RBM11: variants seen among roughly 807,000 people sequenced by gnomAD.
The protein encoded by RBM11 is splicing regulator RBM11.
RBM11 carries 18 observed loss-of-function variants against 21.4 expected under a neutral mutation model. The observed-to-expected ratio is 0.84, with a 90% CI of 0.58 to 1.25. The LOEUF (loss-of-function observed/expected upper bound fraction) is 1.25. Ranked by LOEUF, RBM11 falls within the 50% of genes most tolerant of loss-of-function variation. RBM11 has a pLI of 0.00. For synonymous variants in RBM11, 120 were observed against 116.3 expected (o/e 1.03, Z -0.20); for missense variants, 294 against 331.9 (o/e 0.89, Z 0.89).
intron 3 of RBM11, 115 bp downstream of exon 3, chr21:14,221,284 T>C (rs1224386436): frequency 8.4e-7 from 1 of 1,184,772 alleles, no homozygotes; most frequent in Admixed American, 3.7e-5. Context: ...TAGGATAAAA[T>C]TAAGGAATAT....
In RBM11 at chr21:14,227,437, CA is replaced by C; in HGVS notation, c.*146del. Reference sequence around the variant, plus strand: ...TAAGACTTATCTCTGGTTTGCTGTTCAATTTTTGCCTTGAACGACAAAAGCT... The same window carrying C: ...TAAGACTTATCTCTGGTTTGCTGTTCATTTTTGCCTTGAACGACAAAAGCT... On this transcript the variant is annotated 3_prime_UTR_variant, in exon 5 of 5. Coordinates refer to ENST00000400577, the MANE Select transcript of RBM11 (RefSeq NM_144770.5). 1 of 906,916 alleles carries C rather than the reference CA, an allele frequency of 1.1e-6. No homozygotes were observed. Among genetic ancestry groups the C allele is most frequent in the Non-Finnish European group, 1.6e-6 (1 of 633,736 alleles). The allele number at this position is 906,916 out of a possible 1,614,324, so 56.2% of individuals were successfully genotyped here.
intron 4 of RBM11, 41 bp downstream of exon 4, chr21:14,224,578 C>A: frequency 6.6e-7 from 1 of 1,514,468 alleles, no homozygotes; most frequent in Non-Finnish European, 8.8e-7. Context: ...TAATATGATA[C>A]AAACTATGAA....
Position 14,221,082 on chromosome 21 carries a change from CTG to C in RBM11, c.260-13_260-12del. 1 of 1,555,534 alleles carries C rather than the reference CTG, an allele frequency of 6.4e-7. No individual in the cohort carries two copies. On this transcript the variant is annotated splice_polypyrimidine_tract_variant and intron_variant, in intron 2 of 4. Coordinates refer to ENST00000400577, the MANE Select transcript of RBM11 (RefSeq NM_144770.5). ...ATGTACCATGAAGTAACCTGTTACT[CTG>C]TTTCTTTCAAAGGGAGTTCTCGCTC...
intron 1 of RBM11, among the ~76,000 whole-genome samples, chr21:14,217,414 AC>A (rs2020470632): frequency 6.6e-6 from 1 of 152,164 alleles, no homozygotes; most frequent in African/African-American, 2.4e-5. Context: ...CAATTACAGA[AC>A]TAAATTTTCA....
chr21:14,221,864 C>A (rs758730240), intron 3 of RBM11, among the ~76,000 whole-genome samples: 1 of 152,196 alleles, frequency 6.6e-6, no homozygotes, highest in Non-Finnish European at 1.5e-5. Flanking sequence ...GGCAGAAGGA[C>A]GAACTAGCTG....
rs1436515458 is a variant in RBM11 at position 14,226,742 on chromosome 21, T to C, written c.433-138T>C. On this transcript the variant is annotated intron_variant, in intron 4 of 4. Coordinates refer to ENST00000400577, the MANE Select transcript of RBM11 (RefSeq NM_144770.5). ...TTTAATGAAACACCTACCTTTCTAC[T>C]ATGAGAGGTCACTGTCTTTCTTATA... The C allele has an allele frequency of 6.0e-6, 7 of 1,168,752 alleles. No homozygotes were observed. In the African/African-American group the frequency reaches 9.3e-5, roughly 16 times the overall value. 72.4% of individuals were successfully genotyped at this position (1,168,752 alleles called of 1,614,324 possible).
chr21:14,224,462 A>G lies in RBM11; in HGVS notation c.357A>G (p.Arg119=). 6.4e-7 allele frequency: 1 copy of G among 1,561,540 alleles called. No individual in the cohort carries two copies. Among genetic ancestry groups the G allele is most frequent in the Non-Finnish European group, 8.7e-7 (1 of 1,151,342 alleles). The change falls in exon 4 of 5, where the codon AGA becomes AGG. Residue 119 remains arginine (R), a synonymous_variant. Transcript: ENST00000400577. The stretch of plus-strand genomic sequence containing the variant: ...GGAATGAAGAAATGTTGGTGGGCAG[A>G]TCTTCCTTTCCCATGCAGTATTTTC... ...NYRNEEMLVG[R]SSFPMQYFPI...
At position 14,216,253 on chromosome 21, in the gene RBM11, G is replaced by A. The variant is rs1189930836; in HGVS notation, c.67G>A (p.Glu23Lys). 1.9e-6 allele frequency: 3 copies of A among 1,613,698 alleles called. No homozygotes were observed. Among genetic ancestry groups the A allele is most frequent in the East Asian group, 2.2e-5 (1 of 44,884 alleles). ...FVGNLEARVR[E>K]EILYELFLQA... ...TGGGAATTTAGAGGCCCGAGTTCGG[G>A]AAGAGATTCTGTACGAGCTGTTCCT... Residue 23 changes from glutamate (E) to lysine (K), a missense_variant, in exon 1 of 5, where the codon GAA becomes AAA. Coordinates refer to ENST00000400577, the MANE Select transcript of RBM11 (RefSeq NM_144770.5).
In RBM11 at chr21:14,228,356, GAT is replaced by G. The variant is rs1264419408; in HGVS notation, c.*1066_*1067del. ...GATATTTATTATTTAAAAAAATAAA[GAT>G]ATGTTTTTAATGAAGAGAGTAACTG... On this transcript the variant is annotated 3_prime_UTR_variant, in exon 5 of 5. Coordinates refer to ENST00000400577, the MANE Select transcript of RBM11 (RefSeq NM_144770.5). 9.2e-5 allele frequency: 14 copies of G among 152,080 alleles called. No homozygotes were observed. Among genetic ancestry groups the G allele is most frequent in the South Asian group, 4.1e-4 (2 of 4,828 alleles). 9.4% of individuals were successfully genotyped at this position (152,080 alleles called of 1,614,324 possible). A position where few individuals can be genotyped will look rare whatever the true frequency, so the allele number is the denominator to read the frequency against.
chr21:14,227,401 A>G lies in RBM11; in HGVS notation c.*108A>G. The G allele has an allele frequency of 8.4e-7, 1 of 1,194,044 alleles. No individual in the cohort carries two copies. The highest frequency in any genetic ancestry group is 1.5e-5 in the African/African-American group (1 of 65,206). The allele number at this position is 1,194,044 out of a possible 1,614,324, so 74.0% of individuals were successfully genotyped here. A position where few individuals can be genotyped will look rare whatever the true frequency, so the allele number is the denominator to read the frequency against. ...TGTCATGGCTATCTTGTCTTTTGAAATATGTAGTAATAAGACTTATCTCTG... is the reference window on the plus strand; with the variant it reads ...TGTCATGGCTATCTTGTCTTTTGAAGTATGTAGTAATAAGACTTATCTCTG... On this transcript the variant is annotated 3_prime_UTR_variant, in exon 5 of 5. Coordinates refer to ENST00000400577, the MANE Select transcript of RBM11 (RefSeq NM_144770.5).
chr21:14,219,461 G>T (rs934475990), intron 1 of RBM11, 102 bp from the exon 2 acceptor site: 1 of 808,470 alleles, frequency 1.2e-6, no homozygotes. Flanking sequence ...GCTACATAAA[G>T]ATATTGCTAA....
intron 4 of RBM11, among the ~76,000 whole-genome samples, chr21:14,226,258 G>A: frequency 6.6e-6 from 1 of 151,946 alleles, no homozygotes; most frequent in South Asian, 2.1e-4. Context: ...GATATATTGG[G>A]ATAAATAAAA....
rs371606610 is a variant in RBM11, at chr21:14,221,143, T to C, written c.306T>C (p.Cys102=). The C allele has an allele frequency of 6.3e-7, 1 of 1,575,438 alleles. No homozygotes were observed. The highest frequency in any genetic ancestry group is 8.6e-7 in the Non-Finnish European group (1 of 1,159,306). ...CAGCTAACCAAAGTTTTGAGAGCTGTGTTAAGATAAATTCACACAACTACA... is the reference window on the plus strand; with the variant it reads ...CAGCTAACCAAAGTTTTGAGAGCTGCGTTAAGATAAATTCACACAACTACA... ...SEPANQSFES[C]VKINSHNYRN... The change falls in exon 3 of 5, where the codon TGT becomes TGC. Residue 102 remains cysteine, a synonymous_variant. Coordinates refer to ENST00000400577, the MANE Select transcript of RBM11 (RefSeq NM_144770.5).
chr21:14,217,125 G>T (rs890197172), intron 1 of RBM11, among the ~76,000 whole-genome samples: 2 of 152,178 alleles, frequency 1.3e-5, no homozygotes, highest in African/African-American at 4.8e-5. Context: ...TTCCGCGTGC[G>T]AACTCTGAGG....
chr21:14,223,989 A>G (rs780506594), intron 3 of RBM11, among the ~76,000 whole-genome samples: 1 of 152,134 alleles, frequency 6.6e-6, no homozygotes, highest in Non-Finnish European at 1.5e-5. Flanking sequence ...CTGAAGAACC[A>G]TGAGCCGAAA....
At chr21:14,225,055 C>T (rs568523891) in intron 4 of RBM11, among the ~76,000 whole-genome samples, 5 of 151,534 alleles carry the variant, frequency 3.3e-5, no homozygotes, top group African/African-American at 1.2e-4. Context: ...AGGTGGAGGT[C>T]GCAGTGAGCC....
chr21:14,224,279 G>A, intron 3 of RBM11, 159 bp from the exon 4 acceptor site: 1 of 1,113,058 alleles, frequency 9.0e-7, no homozygotes, highest in Non-Finnish European at 1.2e-6. Flanking sequence ...GAATTTTGGG[G>A]AGACATGTCA....
intron 3 of RBM11, 46 bp from the exon 4 acceptor site, chr21:14,224,392 A>G: frequency 6.6e-7 from 1 of 1,518,444 alleles, no homozygotes; most frequent in Non-Finnish European, 8.8e-7. Context: ...GACATTTGTA[A>G]TAGGAATTTT....
intron 3 of RBM11, among the ~76,000 whole-genome samples, chr21:14,222,555 A>G (rs1294432489): frequency 1.3e-5 from 2 of 152,150 alleles, no homozygotes; most frequent in Non-Finnish European, 2.9e-5. Context: ...ATTGCACCCC[A>G]GATAAAACAG....
Sources: allele counts gnomAD v4.1 joint callset (sites outside exome capture counted in the v4.1 genomes callset), GRCh38; gene constraint gnomAD v4.1.1; transcripts MANE v1.5; gene names NCBI Gene and HGNC (gene_info 2026-07-23, HGNC 2026-07-21).